CAMTA1: variants seen among roughly 807,000 people sequenced by gnomAD.
CAMTA1 encodes the protein calmodulin binding transcription activator 1, also known as calmodulin-binding transcription activator 1.
A neutral mutation model predicts 170.9 loss-of-function variants in CAMTA1; 27 were observed. The observed-to-expected ratio is 0.16, with a 90% confidence interval of 0.12 to 0.22. The LOEUF is 0.22. CAMTA1 is among the 10% of genes least tolerant of loss of function. The pLI is 1.00. For synonymous variants in CAMTA1, 833 were observed against 891.5 expected (o/e 0.93, Z 1.17); for missense variants, 1,619 against 2,217.2 (o/e 0.73, Z 5.42).
chr1:7,219,599 A>T (rs1660382694), intron 4 of CAMTA1: 1 of 149,950 alleles, frequency 6.7e-6, no homozygotes, highest in African/African-American at 2.5e-5. Context: ...CCATGGACTG[A>T]ATATCTGTGT....
chr1:7,459,887 G>T (rs1434983739), intron 5 of CAMTA1, among the ~76,000 whole-genome samples: 1 of 152,240 alleles, frequency 6.6e-6, no homozygotes, highest in African/African-American at 2.4e-5. Context: ...TGGAGACATG[G>T]GATGGTGAGC....
chr1:7,218,402 T>C (rs998326210), intron 4 of CAMTA1, among the ~76,000 whole-genome samples: 4 of 152,192 alleles, frequency 2.6e-5, no homozygotes, highest in Admixed American at 2.6e-4. Context: ...GTGGTTCGTG[T>C]GATTTTTAGT....
At chr1:7,331,462 T>G (rs2083033845) in intron 5 of CAMTA1, among the ~76,000 whole-genome samples, 1 of 152,196 alleles carries the variant, frequency 6.6e-6, no homozygotes, top group South Asian at 2.1e-4. Context: ...TCTCCTAATA[T>G]TCACTGTATT....
intron 3 of CAMTA1, among the ~76,000 whole-genome samples, chr1:7,087,247 C>T (rs140602928): frequency 1.5e-4 from 23 of 152,352 alleles, no homozygotes; most frequent in African/African-American, 5.5e-4. Context: ...GGGAGCATCT[C>T]CCGCTCTGTG....
At chr1:7,261,832 G>A (rs1388263300) in intron 5 of CAMTA1, among the ~76,000 whole-genome samples, 1 of 152,216 alleles carries the variant, frequency 6.6e-6, no homozygotes, top group African/African-American at 2.4e-5. Flanking sequence ...GATAGCTTGA[G>A]TTTCAAAATA....
chr1:6,879,448 A>G (rs1437919258), intron 3 of CAMTA1, among the ~76,000 whole-genome samples: 1 of 152,224 alleles, frequency 6.6e-6, no homozygotes, highest in Non-Finnish European at 1.5e-5. Flanking sequence ...TAGAAAATAC[A>G]GTAAGATCAG....
intron 3 of CAMTA1, among the ~76,000 whole-genome samples, chr1:6,940,215 C>T (rs1048803205): frequency 3.3e-5 from 5 of 152,196 alleles, no homozygotes; most frequent in Non-Finnish European, 1.5e-5. Context: ...ATTATGGAGG[C>T]TGAGAAGTCC....
chr1:7,634,444 G>A lies in CAMTA1; in HGVS notation c.511-5956G>A, dbSNP rs1439895423. Among the ~76,000 whole-genome samples the A allele has an allele frequency of 6.6e-6, 1 of 152,086 alleles. No homozygotes were observed. The highest frequency in any genetic ancestry group is 2.4e-5 in the African/African-American group (1 of 41,404). On this transcript the variant is annotated intron_variant, in intron 6 of 22. Coordinates refer to ENST00000303635, the MANE Select transcript of CAMTA1 (RefSeq NM_015215.4). This position sits in a 1 kb window ranked among gnomAD's most constrained non-coding sequence, Gnocchi z 6.2. ...CCATGGGAAGTCATGGGGATTTTGA[G>A]GCCTTCGAGGGGTGCCGTCAACAGG...
chr1:6,844,052 A>G (rs1436436043), intron 3 of CAMTA1, among the ~76,000 whole-genome samples: 9 of 152,242 alleles, frequency 5.9e-5, no homozygotes, highest in Non-Finnish European at 8.8e-5. Flanking sequence ...GACAGACTGT[A>G]TAGCTGTGAA....
intron 6 of CAMTA1, among the ~76,000 whole-genome samples, chr1:7,551,302 C>CG (rs34180195): frequency 0.35 from 52,733 of 152,032 alleles, 10,550 homozygotes; most frequent in East Asian, 0.7. Flanking sequence ...CGCAGGTGCA[C>CG]TGAGTGTATG....
chr1:7,614,293 T>G (rs1401822372), intron 6 of CAMTA1, among the ~76,000 whole-genome samples: 4 of 152,072 alleles, frequency 2.6e-5, no homozygotes, highest in African/African-American at 7.2e-5. Context: ...ATCCCCTCCC[T>G]TGTTGGAGCT....
At chr1:7,468,551 G>A (rs965875170) in intron 6 of CAMTA1, among the ~76,000 whole-genome samples, 2 of 152,356 alleles carry the variant, frequency 1.3e-5, no homozygotes, top group East Asian at 1.9e-4. Context: ...TCTGGGGATC[G>A]TCTGCCAGCT....
intron 4 of CAMTA1, among the ~76,000 whole-genome samples, chr1:7,105,056 G>A (rs911560456): frequency 3.3e-5 from 5 of 152,222 alleles, no homozygotes; most frequent in Admixed American, 6.5e-5. Flanking sequence ...CATTTCTCTG[G>A]TGCTTAATTT....
In CAMTA1 at chr1:7,561,528, G is replaced by A. The variant is rs1034174104; in HGVS notation, c.511-78872G>A. On this transcript the variant is annotated intron_variant, in intron 6 of 22. Transcript: ENST00000303635. This position sits in a 1 kb window ranked among gnomAD's most constrained non-coding sequence, Gnocchi z 5.3. ...TGAGCCCAAGCAGAGGTGAGAGAAA[G>A]CCTCTTGCCTGTAAACTCGTTGCAG... Among the ~76,000 whole-genome samples, 6 of 151,772 alleles carry A rather than the reference G, an allele frequency of 4.0e-5. No homozygotes were observed. The highest frequency in any genetic ancestry group is 7.4e-5 in the Non-Finnish European group (5 of 67,934).
At chr1:7,125,413 A>G (rs562156230) in intron 4 of CAMTA1, among the ~76,000 whole-genome samples, 3 of 152,272 alleles carry the variant, frequency 2.0e-5, no homozygotes, top group East Asian at 1.9e-4. Flanking sequence ...AGTTCCTGCA[A>G]TGTGAAAGTT....
intron 4 of CAMTA1, among the ~76,000 whole-genome samples, chr1:7,111,378 T>C (rs1490149126): frequency 3.9e-5 from 6 of 152,238 alleles, no homozygotes; most frequent in East Asian, 1.9e-4. Context: ...CCTGGCTTCA[T>C]CATCCCTGGT....
At chr1:7,255,189 T>C (rs182441030) in intron 5 of CAMTA1, among the ~76,000 whole-genome samples, 1 of 152,200 alleles carries the variant, frequency 6.6e-6, no homozygotes, top group East Asian at 1.9e-4. Flanking sequence ...CTAATGTAGA[T>C]GACAGGTTGA....
chr1:7,483,672 G>A (rs2149646492), intron 6 of CAMTA1, among the ~76,000 whole-genome samples: 1 of 152,336 alleles, frequency 6.6e-6, no homozygotes, highest in South Asian at 2.1e-4. Flanking sequence ...GCTGACCCCA[G>A]GACAGGGCAG....
chr1:7,247,553 CAGA>C (rs1025879298), intron 4 of CAMTA1, among the ~76,000 whole-genome samples: 5 of 152,202 alleles, frequency 3.3e-5, no homozygotes, highest in Admixed American at 6.5e-5. Context: ...AACCCATCCA[CAGA>C]AGAAGACCCG....
Sources: allele counts gnomAD v4.1 joint callset (sites outside exome capture counted in the v4.1 genomes callset), GRCh38; gene constraint gnomAD v4.1.1; non-coding constraint Gnocchi (gnomAD v3.1); transcripts MANE v1.5; gene names NCBI Gene and HGNC (gene_info 2026-07-23, HGNC 2026-07-21).